Variants in FAM83A observed in about 807,000 individuals in gnomAD.
The protein encoded by FAM83A is scaffolding CK1 anchoring protein A.
In FAM83A, 21 loss-of-function variants were observed where a neutral mutation model predicts 24.4. The observed-to-expected ratio is 0.86, with a 90% CI of 0.61 to 1.24. FAM83A has a LOEUF of 1.24. Among genes scored for constraint, FAM83A ranks in the 50% most tolerant of loss-of-function variants. The pLI, the probability that FAM83A is intolerant of heterozygous loss-of-function variation, is 0.00. For synonymous variants in FAM83A, 270 were observed against 252.4 expected, an observed-to-expected ratio of 1.07 and a Z score of -0.66; for missense variants, 617 against 579.8, an observed-to-expected ratio of 1.06 and a Z score of -0.66.
chr8:123,199,869 A>G (rs1351622328), intron 3 of FAM83A: 5 of 154,098 alleles, frequency 3.2e-5, no homozygotes, highest in Admixed American at 6.5e-5. Flanking sequence ...TTAGAGGGAA[A>G]GTGCTGGAAA....
At chr8:123,187,398 C>G (rs1440517886) in intron 1 of FAM83A, among the ~76,000 whole-genome samples, 1 of 152,154 alleles carries the variant, frequency 6.6e-6, no homozygotes, top group Non-Finnish European at 1.5e-5. Context: ...CCAGACAACC[C>G]TTCGCAGCAG....
chr8:123,197,457 C>T (rs550450609), intron 3 of FAM83A, among the ~76,000 whole-genome samples: 91 of 152,314 alleles, frequency 6.0e-4, no homozygotes, highest in African/African-American at 2.1e-3. Flanking sequence ...CTTAACATAA[C>T]GTTTTCCAGG....
chr8:123,197,297 A>C (rs1554630014), intron 3 of FAM83A, among the ~76,000 whole-genome samples: 1 of 152,262 alleles, frequency 6.6e-6, no homozygotes, highest in Non-Finnish European at 1.5e-5. Context: ...TAGGAGGCAC[A>C]TTCACACAAG....
intron 1 of FAM83A, among the ~76,000 whole-genome samples, chr8:123,187,445 G>A (rs896705504): frequency 6.6e-5 from 10 of 152,118 alleles, no homozygotes; most frequent in East Asian, 1.9e-4. Context: ...GTGAAGGTGC[G>A]GACATCAGAG....
At chr8:123,189,408 A>G (rs1013926361) in intron 1 of FAM83A, among the ~76,000 whole-genome samples, 1 of 152,144 alleles carries the variant, frequency 6.6e-6, no homozygotes, top group Non-Finnish European at 1.5e-5. Context: ...AATATATTGC[A>G]ATGATTAGAA....
chr8:123,208,963 C>T (rs1411185944), exon 4 of FAM83A: 1 of 947,762 alleles, frequency 1.1e-6, no homozygotes, highest in Non-Finnish European at 1.2e-6. Flanking sequence ...GACTCCGTCA[C>T]AGAAAAAAAA....
intron 3 of FAM83A, among the ~76,000 whole-genome samples, chr8:123,205,418 G>C (rs956243528): frequency 4.6e-5 from 7 of 152,340 alleles, no homozygotes; most frequent in Admixed American, 3.9e-4. Context: ...CGCTTGGCTC[G>C]GCATCAACTG....
rs374859189 is a variant in FAM83A at position 123,195,750 on chromosome 8, TA to T, written c.773+1612del. ...AAAGTGTATCTTTATCCCTTCATGG[TA>T]AAAAAAAAAGGTGAGGGAGCTCACT... On this transcript the variant is annotated intron_variant, in intron 3 of 3. Coordinates refer to ENST00000690554, the Ensembl canonical transcript of FAM83A. Among the ~76,000 whole-genome samples, 468 of 147,322 alleles carry T rather than the reference TA, an allele frequency of 3.2e-3. 2 individuals are homozygous for T. Among genetic ancestry groups the T allele is most frequent in the African/African-American group, 0.011 (431 of 40,402 alleles).
In FAM83A at chr8:123,182,746, G is replaced by T. The variant is rs924346632; in HGVS notation, c.-111G>T. The T allele has an allele frequency of 4.1e-6, 6 of 1,468,644 alleles. No individual in the cohort carries two copies. In the African/African-American group the frequency reaches 8.4e-5, roughly 21 times the overall value. 91.0% of individuals were successfully genotyped at this position (1,468,644 alleles called of 1,614,324 possible). ...TGCACGCCGGTCCTGGGAGCAGGCGGCCTCCCGGGGGTGCGGGAGCCCCAC... is the reference window on the plus strand; with the variant it reads ...TGCACGCCGGTCCTGGGAGCAGGCGTCCTCCCGGGGGTGCGGGAGCCCCAC... On this transcript the variant is annotated 5_prime_UTR_variant, in exon 1 of 4. Transcript: ENST00000690554.
intron 1 of FAM83A, among the ~76,000 whole-genome samples, chr8:123,190,024 T>C (rs981225763): frequency 2.4e-4 from 36 of 152,254 alleles, no homozygotes; most frequent in African/African-American, 7.9e-4. Flanking sequence ...TCTATGACAG[T>C]GCTCCCATAA....
rs762025209 is a variant in FAM83A, at chr8:123,207,561, C to T, written c.1178C>T (p.Pro393Leu). 11 of 1,544,822 alleles carry T rather than the reference C, an allele frequency of 7.1e-6. No homozygotes were observed. In the Admixed American group the frequency reaches 9.6e-5, roughly 13 times the overall value. Residue 393 changes from proline (P) to leucine (L), a missense_variant, in exon 4 of 4, where the codon CCG becomes CTG. By Grantham distance (98) the Pro-to-Leu change is moderately conservative. Coordinates refer to ENST00000690554, the Ensembl canonical transcript of FAM83A. ...CTCTCCCCGCGGCCCCACGACGGCCCGCCCGCCGCTGTCTACAGCAACCTG... is the reference window on the plus strand; with the variant it reads ...CTCTCCCCGCGGCCCCACGACGGCCTGCCCGCCGCTGTCTACAGCAACCTG...
intron 3 of FAM83A, among the ~76,000 whole-genome samples, chr8:123,199,395 A>G (rs2131091912): frequency 6.6e-6 from 1 of 152,310 alleles, no homozygotes; most frequent in African/African-American, 2.4e-5. Flanking sequence ...TCTGTTGTAT[A>G]AAGTGGTTTG....
At chr8:123,206,573 G>C (rs905145542) in intron 3 of FAM83A, among the ~76,000 whole-genome samples, 3 of 152,200 alleles carry the variant, frequency 2.0e-5, no homozygotes, top group African/African-American at 7.2e-5. Context: ...CGCAGACTCT[G>C]GGGGCCTGAG....
intron 3 of FAM83A, among the ~76,000 whole-genome samples, chr8:123,205,260 G>C (rs899438817): frequency 1.3e-5 from 2 of 152,226 alleles, no homozygotes; most frequent in East Asian, 1.9e-4. Flanking sequence ...CTTTGGACTT[G>C]TTCTTTGGAC....
At chr8:123,193,723 C>T (rs62521846) in intron 2 of FAM83A, among the ~76,000 whole-genome samples, 27,500 of 152,068 alleles carry the variant, frequency 0.18, 2,646 homozygotes, top group Admixed American at 0.24. Flanking sequence ...CTGGCAGATT[C>T]GGCGTCTGGT....
At chr8:123,183,853 G>A (rs994008345) in intron 1 of FAM83A, among the ~76,000 whole-genome samples, 13 of 151,426 alleles carry the variant, frequency 8.6e-5, no homozygotes, top group Non-Finnish European at 1.5e-4. Context: ...ATGCCACCAC[G>A]CCCAGTTGAT....
intron 3 of FAM83A, among the ~76,000 whole-genome samples, chr8:123,199,184 T>G (rs1022353009): frequency 6.6e-6 from 1 of 152,244 alleles, no homozygotes; most frequent in Non-Finnish European, 1.5e-5. Context: ...AATACTTCGC[T>G]GCTGGGCATC....
At chr8:123,191,844 C>A (rs1367725182) in exon 2 of FAM83A, 1 of 1,614,012 alleles carries the variant, frequency 6.2e-7, no homozygotes, top group African/African-American at 1.3e-5. Flanking sequence ...ATGTGGAGAT[C>A]TTCTGTGACA....
intron 3 of FAM83A, among the ~76,000 whole-genome samples, chr8:123,196,287 C>T (rs910603195): frequency 6.6e-6 from 1 of 152,246 alleles, no homozygotes; most frequent in African/African-American, 2.4e-5. Context: ...GCAGGGATTA[C>T]AGGCATGAGC....
Sources: allele counts gnomAD v4.1 joint callset (sites outside exome capture counted in the v4.1 genomes callset), GRCh38; gene constraint gnomAD v4.1.1; transcripts MANE v1.5; gene names NCBI Gene and HGNC (gene_info 2026-07-23, HGNC 2026-07-21).